Variants in CCDC60 observed in about 807,000 individuals in gnomAD.
CCDC60 encodes the protein coiled-coil domain-containing protein 60.
In CCDC60, 54 loss-of-function variants were observed where a neutral mutation model predicts 63.5. The ratio of observed to expected loss-of-function variants is 0.85; its 90% CI spans 0.68 to 1.07. CCDC60 has a LOEUF of 1.07. Among genes scored for constraint, CCDC60 ranks in the 50% least tolerant of loss-of-function variants. The pLI is 0.00. For synonymous variants in CCDC60, 206 were observed against 238.8 expected (o/e 0.86, Z 1.27); for missense variants, 651 against 684.3 (o/e 0.95, Z 0.54).
chr12:119,437,129 TA>T (rs1469598650), intron 2 of CCDC60, among the ~76,000 whole-genome samples: 24 of 152,202 alleles, frequency 1.6e-4, no homozygotes, highest in African/African-American at 5.8e-4. Context: ...CTTTTTGCAT[TA>T]ATAGTGTTTA....
intron 3 of CCDC60, among the ~76,000 whole-genome samples, chr12:119,474,986 C>A (rs765723475): frequency 6.6e-6 from 1 of 152,216 alleles, no homozygotes; most frequent in Non-Finnish European, 1.5e-5. Flanking sequence ...ACCCAGACTG[C>A]AAGACCTCAT....
At chr12:119,419,869 CTTTTTT>C (rs1206831493) in intron 1 of CCDC60, among the ~76,000 whole-genome samples, 20 of 106,466 alleles carry the variant, frequency 1.9e-4, no homozygotes, top group Admixed American at 2.3e-4. Flanking sequence ...TTAAATAATT[CTTTTTT>C]TTTTTTTTTT....
chr12:119,491,355 G>T (rs1353041950), intron 5 of CCDC60, among the ~76,000 whole-genome samples: 1 of 152,162 alleles, frequency 6.6e-6, no homozygotes, highest in African/African-American at 2.4e-5. Flanking sequence ...TTGAGATGGA[G>T]TCTCGCTCTG....
intron 12 of CCDC60, among the ~76,000 whole-genome samples, chr12:119,530,199 A>G (rs921826206): frequency 6.6e-6 from 1 of 152,110 alleles, no homozygotes; most frequent in Non-Finnish European, 1.5e-5. Flanking sequence ...CCCAAAACAT[A>G]TAATGGATGA....
At chr12:119,478,293 T>C (rs1951223374) in intron 3 of CCDC60, among the ~76,000 whole-genome samples, 1 of 151,940 alleles carries the variant, frequency 6.6e-6, no homozygotes. Context: ...CCAGCCTGGG[T>C]GACAGTGAGA....
chr12:119,417,938 A>G (rs1956732549), intron 1 of CCDC60, among the ~76,000 whole-genome samples: 2 of 152,300 alleles, frequency 1.3e-5, no homozygotes, highest in Middle Eastern at 3.4e-3. Flanking sequence ...GGAAGACCCA[A>G]GCAAATTAAC....
At chr12:119,481,690 G>A (rs553594814) in intron 4 of CCDC60, among the ~76,000 whole-genome samples, 1 of 151,674 alleles carries the variant, frequency 6.6e-6, no homozygotes, top group Non-Finnish European at 1.5e-5. Flanking sequence ...TGAGATTTTG[G>A]TGCACCCATC....
At chr12:119,364,627 G>A (rs569542245) in intron 1 of CCDC60, among the ~76,000 whole-genome samples, 9 of 152,226 alleles carry the variant, frequency 5.9e-5, no homozygotes, top group African/African-American at 1.9e-4. Flanking sequence ...GCACAGTTGG[G>A]TCAGTTCCAG....
intron 2 of CCDC60, chr12:119,433,268 A>G: frequency 1.6e-6 from 1 of 619,970 alleles, no homozygotes. Context: ...TATTAATAAA[A>G]GGTGATACAG....
chr12:119,458,176 T>C (rs939615863), intron 2 of CCDC60, among the ~76,000 whole-genome samples: 3 of 152,254 alleles, frequency 2.0e-5, no homozygotes, highest in Admixed American at 6.5e-5. Context: ...GGGAATAAAC[T>C]GATTTATTTG....
intron 1 of CCDC60, among the ~76,000 whole-genome samples, chr12:119,425,353 T>G (rs1308315260): frequency 6.6e-6 from 1 of 152,162 alleles, no homozygotes; most frequent in African/African-American, 2.4e-5. Context: ...CACTATAAAA[T>G]ACACCAGAAT....
At chr12:119,344,937 C>T (rs1955575557) in intron 1 of CCDC60, among the ~76,000 whole-genome samples, 1 of 148,952 alleles carries the variant, frequency 6.7e-6, no homozygotes, top group African/African-American at 2.5e-5. Context: ...TTTAATATCA[C>T]TTCTTTTGAC....
chr12:119,479,103 T>C lies in CCDC60; in HGVS notation c.351T>C (p.Asp117=), dbSNP rs1477093593. The C allele has an allele frequency of 6.2e-7, 1 of 1,611,930 alleles. No individual in the cohort carries two copies. Among genetic ancestry groups the C allele is most frequent in the East Asian group, 2.2e-5 (1 of 44,878 alleles). Residue 117 remains aspartate, a synonymous_variant, in exon 4 of 14, where the codon GAT becomes GAC. Transcript: ENST00000327554. Reference sequence around the variant, plus strand: ...TCTGCTTGTCCTTCAGCACATATGATGATGAGAAGTTGAAGACACTGGGAG... The same window carrying C: ...TCTGCTTGTCCTTCAGCACATATGACGATGAGAAGTTGAAGACACTGGGAG... ...HYGDTLLSTY[D]DEKLKTLGAR... is the part of the protein sequence containing the mutation.
intron 10 of CCDC60, 147 bp downstream of exon 10, chr12:119,523,148 T>G: frequency 1.3e-6 from 1 of 759,340 alleles, no homozygotes. Flanking sequence ...ATCCCCCAGG[T>G]TTAGGGACTC....
At chr12:119,346,796 C>A (rs971585809) in intron 1 of CCDC60, among the ~76,000 whole-genome samples, 8 of 125,048 alleles carry the variant, frequency 6.4e-5, no homozygotes, top group South Asian at 5.4e-4. Flanking sequence ...TTCTTTCTTT[C>A]TTTCTTTCTT....
intron 1 of CCDC60, among the ~76,000 whole-genome samples, chr12:119,358,330 G>A (rs890906714): frequency 1.3e-5 from 2 of 152,100 alleles, no homozygotes; most frequent in Admixed American, 6.5e-5. Context: ...CCTCATGGAT[G>A]GGATTATTGC....
At position 119,531,072 on chromosome 12, in the gene CCDC60, C is replaced by A. The variant is rs749445107; in HGVS notation, c.1551+9C>A. 9.3e-6 allele frequency: 15 copies of A among 1,610,152 alleles called. No homozygotes were observed. Among genetic ancestry groups the A allele is most frequent in the Non-Finnish European group, 3.4e-6 (4 of 1,177,252 alleles). On this transcript the variant is annotated intron_variant, in intron 13 of 13. Coordinates refer to ENST00000327554, the MANE Select transcript of CCDC60 (RefSeq NM_178499.5). ...TCGCTGTGGCTATTGAGGTAAACAC[C>A]ACCTCCTTCCCCTCCACAGTGTTTC...
intron 2 of CCDC60, among the ~76,000 whole-genome samples, chr12:119,444,238 A>G (rs996814787): frequency 6.6e-6 from 1 of 152,352 alleles, no homozygotes; most frequent in Middle Eastern, 3.4e-3. Flanking sequence ...ACACAATGAA[A>G]GCGTTTAGAA....
At chr12:119,449,971 C>T (rs1247426507) in intron 2 of CCDC60, among the ~76,000 whole-genome samples, 2 of 152,126 alleles carry the variant, frequency 1.3e-5, no homozygotes, top group Non-Finnish European at 2.9e-5. Flanking sequence ...AAAAAGATAC[C>T]TTCACTCATA....
Sources: gnomAD v4.1 joint callset for allele counts (sites outside exome capture counted in the v4.1 genomes callset) on GRCh38, gnomAD v4.1.1 for gene constraint, MANE v1.5 for transcripts, NCBI Gene and HGNC (gene_info 2026-07-23, HGNC 2026-07-21) for gene names.